PSMB5: variants seen among roughly 807,000 people sequenced by gnomAD.
PSMB5 encodes proteasome subunit beta type-5.
In PSMB5, 2 loss-of-function variants were observed where a neutral mutation model predicts 22.8. That is an observed-to-expected ratio of 0.09 (90% confidence interval 0.04 to 0.28). The LOEUF (loss-of-function observed/expected upper bound fraction) is 0.28, where lower values mean the gene tolerates loss of function less well. Ranked by LOEUF, PSMB5 falls within the 10% of genes least tolerant of loss-of-function variation. PSMB5 has a pLI of 1.00. For synonymous variants in PSMB5, 133 were observed against 135.3 expected, an observed-to-expected ratio of 0.98 and a Z score of 0.12; for missense variants, 269 against 343.8, an observed-to-expected ratio of 0.78 and a Z score of 1.72.
At chr14:23,033,950 C>A (rs189949854) in intron 1 of PSMB5, among the ~76,000 whole-genome samples, 21 of 152,126 alleles carry the variant, frequency 1.4e-4, no homozygotes, top group Admixed American at 7.2e-4. Flanking sequence ...GCGGGAGGAC[C>A]GCTTGAGGCC....
At chr14:23,032,751 A>G (rs1223362186) in intron 2 of PSMB5, among the ~76,000 whole-genome samples, 3 of 151,334 alleles carry the variant, frequency 2.0e-5, no homozygotes, top group African/African-American at 7.3e-5. Context: ...GGCGCCTGCC[A>G]CCACGCCTGG....
In PSMB5 at chr14:23,033,372, G is replaced by T. The variant is rs1236709144; in HGVS notation, c.501C>A (p.Gly167=). Residue 167 remains glycine, a synonymous_variant, in exon 2 of 3, where the codon GGC becomes GGA. Transcript: ENST00000361611. ...TGTGGTTGCAGCTTAACTCACCAGG[G>T]CCTCTCTTATCCCAGCCACAGATCA... ...GTMICGWDKR[G]PGLYYVDSEG... The T allele has an allele frequency of 1.9e-6, 3 of 1,606,922 alleles. No homozygotes were observed. In the South Asian group the frequency reaches 3.3e-5, roughly 18 times the overall value.
rs2046909099 is a variant in PSMB5 at position 23,025,967 on chromosome 14, A to G, written c.*122T>C. On this transcript the variant is annotated 3_prime_UTR_variant, in exon 3 of 3. Coordinates refer to ENST00000361611, the MANE Select transcript of PSMB5 (RefSeq NM_002797.5). ...ATAGAGGTCAATGTGCCAGAGCTTA[A>G]AAAAAAGTACTGATACAATTGAAGG... The G allele has an allele frequency of 4.6e-6, 7 of 1,519,918 alleles. No homozygotes were observed. Among genetic ancestry groups the G allele is most frequent in the Non-Finnish European group, 6.2e-6 (7 of 1,136,804 alleles). 94.2% of individuals were successfully genotyped at this position (1,519,918 alleles called of 1,614,324 possible). A position where few individuals can be genotyped will look rare whatever the true frequency, so the allele number is the denominator to read the frequency against.
intron 2 of PSMB5, among the ~76,000 whole-genome samples, chr14:23,027,137 C>A (rs1218313445): frequency 6.6e-6 from 1 of 151,522 alleles, no homozygotes; most frequent in East Asian, 2.0e-4. Context: ...AATCCCAGCA[C>A]TTTGGGAGGC....
chr14:23,029,305 C>T (rs1423143843), intron 2 of PSMB5, among the ~76,000 whole-genome samples: 2 of 152,156 alleles, frequency 1.3e-5, no homozygotes, highest in Non-Finnish European at 1.5e-5. Flanking sequence ...CCAAAGTACC[C>T]TTCTGGCTTT....
At chr14:23,035,161 C>CA (rs1023079400), upstream of PSMB5, 48 of 452,810 alleles carry the variant, frequency 1.1e-4, no homozygotes, top group African/African-American at 9.4e-4. Flanking sequence ...AGAATAACCT[C>CA]AAAATCACAG....
intron 2 of PSMB5, among the ~76,000 whole-genome samples, chr14:23,030,202 T>C (rs2046942910): frequency 6.6e-6 from 1 of 151,410 alleles, no homozygotes; most frequent in Non-Finnish European, 1.5e-5. Context: ...AAAACGGTAT[T>C]TATCAGGCCA....
At chr14:23,027,011 G>A (rs1172565334) in intron 2 of PSMB5, among the ~76,000 whole-genome samples, 1 of 151,524 alleles carries the variant, frequency 6.6e-6, no homozygotes, top group Non-Finnish European at 1.5e-5. Context: ...GAACCTGGGA[G>A]GCAAAGGTTG....
At chr14:23,034,904 T>A, upstream of PSMB5, 1 of 1,608,226 alleles carries the variant, frequency 6.2e-7, no homozygotes. Flanking sequence ...CAGAAAGAAC[T>A]AATTCTGAGA....
intron 2 of PSMB5, among the ~76,000 whole-genome samples, chr14:23,030,613 A>C (rs1002408953): frequency 1.3e-5 from 2 of 152,314 alleles, no homozygotes; most frequent in Middle Eastern, 3.4e-3. Flanking sequence ...CTCAAGTCCC[A>C]AAGTTGGCCC....
chr14:23,027,874 T>C, intron 2 of PSMB5: 1 of 1,453,722 alleles, frequency 6.9e-7, no homozygotes, highest in Non-Finnish European at 9.4e-7. Flanking sequence ...CCAGGCGCAG[T>C]GGCTCAAACC....
rs2046911769 is a variant in PSMB5 at position 23,026,251 on chromosome 14, C to T, written c.630G>A (p.Gln210=). 3 of 1,614,120 alleles carry T rather than the reference C, an allele frequency of 1.9e-6. No homozygotes were observed. The highest frequency in any genetic ancestry group is 8.5e-7 in the Non-Finnish European group (1 of 1,180,020). Residue 210 remains glutamine (Q), a synonymous_variant, in exon 3 of 3, where the codon CAG becomes CAA. Transcript: ENST00000361611. ...TGGCTCGACGGGCCAGATCATAGGC[C>T]TGCTCCACTTCCAGGTCATAGGAAT... The part of the protein sequence containing the change: ...RGYSYDLEVE[Q]AYDLARRAIY...
chr14:23,027,102 G>T (rs73596476), intron 2 of PSMB5, among the ~76,000 whole-genome samples: 17,357 of 148,598 alleles, frequency 0.12, 1,142 homozygotes, highest in African/African-American at 0.18. Flanking sequence ...TAATAAATAG[G>T]CCAGGCGCGG....
Position 23,033,659 on chromosome 14 carries a change from T to C in PSMB5, c.214A>G (p.Ile72Val), listed in dbSNP as rs781397313. The C allele has an allele frequency of 9.3e-6, 15 of 1,608,578 alleles. No individual in the cohort carries two copies. The highest frequency in any genetic ancestry group is 1.2e-5 in the Non-Finnish European group (14 of 1,175,548). Reference sequence around the variant, plus strand: ...GTAGCCCTGGAGTCAGCTGCAACTATGACTCCATGGCGGAACTGTTAAGAT... The same window carrying C: ...GTAGCCCTGGAGTCAGCTGCAACTACGACTCCATGGCGGAACTGTTAAGAT... Reference protein sequence around the residue: ...TLAFKFRHGVIVAADSRATAG... With the variant: ...TLAFKFRHGVVVAADSRATAG... The change falls in exon 2 of 3, where the codon ATA becomes GTA. Residue 72 changes from isoleucine (I) to valine (V), a missense_variant. This residue lies in a region of PSMB5 where 75 missense variants were observed against 143.2 expected (regional missense o/e 0.52). Transcript: ENST00000361611.
intron 2 of PSMB5, among the ~76,000 whole-genome samples, chr14:23,031,856 A>C (rs2046954547): frequency 6.6e-6 from 1 of 152,216 alleles, no homozygotes; most frequent in Admixed American, 6.5e-5. Context: ...TGGCAGGCTG[A>C]GGTGGGCAGA....
intron 2 of PSMB5, among the ~76,000 whole-genome samples, chr14:23,031,882 A>C (rs1452772638): frequency 6.6e-6 from 1 of 152,236 alleles, no homozygotes; most frequent in East Asian, 1.9e-4. Context: ...TGAGGTCAGG[A>C]GTTCAAGACC....
At chr14:23,035,078 G>T, upstream of PSMB5, 2 of 1,091,266 alleles carry the variant, frequency 1.8e-6, no homozygotes, top group South Asian at 1.8e-5. Context: ...GGAAATAGAT[G>T]GCTTCACTAA....
At chr14:23,028,367 T>C (rs1594712377) in intron 2 of PSMB5, among the ~76,000 whole-genome samples, 1 of 152,208 alleles carries the variant, frequency 6.6e-6, no homozygotes, top group South Asian at 2.1e-4. Context: ...AGCCTAGAGT[T>C]TGTAATCACA....
chr14:23,034,537 G>T, intron 1 of PSMB5, 147 bp downstream of exon 1: 2 of 926,426 alleles, frequency 2.2e-6, no homozygotes, highest in Non-Finnish European at 3.2e-6. Context: ...GGGCCAATGA[G>T]ACAGCAAAAC....
Sources: gnomAD v4.1 joint callset for allele counts (sites outside exome capture counted in the v4.1 genomes callset) on GRCh38, gnomAD v4.1.1 for gene constraint, gnomAD v4.1.1 regional missense constraint, MANE v1.5 for transcripts, NCBI Gene and HGNC (gene_info 2026-07-23, HGNC 2026-07-21) for gene names.